The following DGLUCY variants were observed in gnomAD, a reference collection of about 807,000 sequenced individuals.
DGLUCY encodes the protein D-glutamate cyclase, mitochondrial.
Under a neutral mutation model 58.5 loss-of-function variants are expected in DGLUCY, and 58 were observed. The observed-to-expected ratio is 0.99, with a 90% CI of 0.80 to 1.23. The LOEUF (loss-of-function observed/expected upper bound fraction) is 1.23. Among genes scored for constraint, DGLUCY ranks in the 50% most tolerant of loss-of-function variants. The pLI is 0.00. For synonymous variants in DGLUCY, 325 were observed against 314.1 expected, an observed-to-expected ratio of 1.03 and a Z score of -0.37; for missense variants, 779 against 784.7, an observed-to-expected ratio of 0.99 and a Z score of 0.09.
At position 91,170,030 on chromosome 14, in the gene DGLUCY, C is replaced by A. The variant is rs747739443; in HGVS notation, c.285C>A (p.Tyr95Ter). The A allele has an allele frequency of 6.2e-7, 1 of 1,612,132 alleles. No individual in the cohort carries two copies. Among genetic ancestry groups the A allele is most frequent in the African/African-American group, 1.3e-5 (1 of 74,882 alleles). Residue 95 changes from tyrosine (Y) to a stop codon, truncating the protein, a stop_gained, in exon 5 of 14, where the codon TAC becomes TAA. Coordinates refer to ENST00000256324, the MANE Select transcript of DGLUCY (RefSeq NM_001102368.3). LOFTEE classifies it high-confidence loss of function. ...TGGGCCATCCCCAGTTCTGGAAATACGAGTTCGGTGCCTGCACCGGCAGCC... is the reference window on the plus strand; with the variant it reads ...TGGGCCATCCCCAGTTCTGGAAATAAGAGTTCGGTGCCTGCACCGGCAGCC... ...TRMGHPQFWKYEFGACTGSLA... is the reference protein window; with the variant it reads ...TRMGHPQFWK
intron 13 of DGLUCY, among the ~76,000 whole-genome samples, chr14:91,217,638 C>T (rs1259975531): frequency 6.6e-6 from 1 of 152,100 alleles, no homozygotes; most frequent in Non-Finnish European, 1.5e-5. Flanking sequence ...GTGCCTGCCA[C>T]CATGCCCAGC....
chr14:91,109,979 T>G (rs2044665685), upstream of DGLUCY, among the ~76,000 whole-genome samples: 1 of 152,254 alleles, frequency 6.6e-6, no homozygotes, highest in African/African-American at 2.4e-5. Flanking sequence ...AATTGCCTTC[T>G]CTTTTTGAAC....
At chr14:91,118,533 A>T (rs2045146428) in intron 1 of DGLUCY, among the ~76,000 whole-genome samples, 1 of 152,150 alleles carries the variant, frequency 6.6e-6, no homozygotes, top group South Asian at 2.1e-4. Flanking sequence ...AGATATTTTG[A>T]TTTCCTTCTT....
intron 1 of DGLUCY, among the ~76,000 whole-genome samples, chr14:91,102,982 G>A (rs1047950672): frequency 6.6e-6 from 1 of 151,812 alleles, no homozygotes; most frequent in East Asian, 1.9e-4. Flanking sequence ...GGCTGGTCTC[G>A]AACTCCTGAC....
chr14:91,077,540 T>G (rs993243140), intron 1 of DGLUCY, among the ~76,000 whole-genome samples: 1 of 151,474 alleles, frequency 6.6e-6, no homozygotes. Flanking sequence ...GATCACAAGG[T>G]CAATAGATCG....
At chr14:91,194,177 C>T (rs1312823836) in intron 9 of DGLUCY, among the ~76,000 whole-genome samples, 1 of 152,222 alleles carries the variant, frequency 6.6e-6, no homozygotes, top group Non-Finnish European at 1.5e-5. Context: ...CACAGCATGT[C>T]ATTGCCCTGT....
chr14:91,107,299 A>G (rs1344052732), upstream of DGLUCY, among the ~76,000 whole-genome samples: 3 of 151,872 alleles, frequency 2.0e-5, no homozygotes, highest in South Asian at 4.2e-4. Flanking sequence ...CGGGTGGATC[A>G]TCTGAGGTCG....
chr14:91,209,564 T>C (rs955153885), intron 12 of DGLUCY, among the ~76,000 whole-genome samples: 6 of 152,104 alleles, frequency 3.9e-5, no homozygotes, highest in Non-Finnish European at 5.9e-5. Context: ...AAAAATTAGC[T>C]GGGCGTGGTG....
intron 1 of DGLUCY, among the ~76,000 whole-genome samples, chr14:91,084,597 TC>T (rs1248080120): frequency 6.6e-6 from 1 of 152,126 alleles, no homozygotes; most frequent in Non-Finnish European, 1.5e-5. Flanking sequence ...TGGTAACTGC[TC>T]AGTCTGCACC....
intron 1 of DGLUCY, among the ~76,000 whole-genome samples, chr14:91,100,036 C>T (rs971334427): frequency 1.0e-5 from 1 of 97,308 alleles, no homozygotes; most frequent in Non-Finnish European, 2.0e-5. Context: ...GCCTGGGCAA[C>T]AAGAGTGAAA....
chr14:91,133,167 C>T (rs989904519), intron 1 of DGLUCY, among the ~76,000 whole-genome samples: 4 of 151,980 alleles, frequency 2.6e-5, no homozygotes, highest in Middle Eastern at 3.4e-3. Context: ...TGGTAGCAGG[C>T]GTCTGTAATC....
chr14:91,124,243 AAGC>A (rs1248662436), intron 1 of DGLUCY, among the ~76,000 whole-genome samples: 1 of 152,132 alleles, frequency 6.6e-6, no homozygotes, highest in Non-Finnish European at 1.5e-5. Context: ...AGACTTTTAA[AAGC>A]AGCAGACCCA....
At chr14:91,198,951 C>T (rs956040824) in intron 10 of DGLUCY, among the ~76,000 whole-genome samples, 1 of 152,192 alleles carries the variant, frequency 6.6e-6, no homozygotes, top group Non-Finnish European at 1.5e-5. Context: ...GACCACTATA[C>T]CATCTGTGCC....
chr14:91,094,642 G>C (rs1212526660), intron 1 of DGLUCY, among the ~76,000 whole-genome samples: 1 of 151,874 alleles, frequency 6.6e-6, no homozygotes, highest in Non-Finnish European at 1.5e-5. Context: ...GGCCAACATG[G>C]TGAAACCCCA....
intron 1 of DGLUCY, among the ~76,000 whole-genome samples, chr14:91,077,857 AG>A (rs1210079617): frequency 6.6e-6 from 1 of 151,718 alleles, no homozygotes; most frequent in Non-Finnish European, 1.5e-5. Flanking sequence ...AGAGGAATGA[AG>A]GAAGAAAGGA....
rs139728646 is a variant in DGLUCY, at chr14:91,151,463, G to C, written c.-81-6176G>C. Reference sequence around the variant, plus strand: ...TCACCATGCTAGCCAGGATGGTCTCGTCTCGATCTCCTGACCTCATGATCC... The same window carrying C: ...TCACCATGCTAGCCAGGATGGTCTCCTCTCGATCTCCTGACCTCATGATCC... On this transcript the variant is annotated intron_variant, in intron 1 of 13. Transcript: ENST00000256324. Among the ~76,000 whole-genome samples the C allele has an allele frequency of 1.3e-3, 196 of 151,906 alleles. 1 individual carries two copies. The highest frequency in any genetic ancestry group is 4.5e-3 in the African/African-American group (185 of 41,458).
In DGLUCY at chr14:91,170,036, C is replaced by T. The variant is rs943681501; in HGVS notation, c.291C>T (p.Phe97=). ...ATCCCCAGTTCTGGAAATACGAGTT[C>T]GGTGCCTGCACCGGCAGCCTGGCTT... ...MGHPQFWKYE[F]GACTGSLASL... Residue 97 remains phenylalanine, a synonymous_variant, in exon 5 of 14, where the codon TTC becomes TTT. Transcript: ENST00000256324. 2.2e-5 allele frequency: 36 copies of T among 1,612,220 alleles called. No individual in the cohort carries two copies. In the Admixed American group the frequency reaches 2.5e-4, roughly 11 times the overall value.
At chr14:91,068,158 A>G (rs1325989328) in intron 1 of DGLUCY, among the ~76,000 whole-genome samples, 1 of 151,936 alleles carries the variant, frequency 6.6e-6, no homozygotes, top group Non-Finnish European at 1.5e-5. Context: ...AGGGGGCAGC[A>G]GCAAGTAAGC....
At chr14:91,073,320 A>T (rs539664230) in intron 1 of DGLUCY, among the ~76,000 whole-genome samples, 1 of 152,140 alleles carries the variant, frequency 6.6e-6, no homozygotes, top group African/African-American at 2.4e-5. Flanking sequence ...ACACGCCTGT[A>T]GTCCCAGCTA....
Sources: allele counts gnomAD v4.1 joint callset (sites outside exome capture counted in the v4.1 genomes callset), GRCh38; gene constraint gnomAD v4.1.1; transcripts MANE v1.5; gene names NCBI Gene and HGNC (gene_info 2026-07-23, HGNC 2026-07-21).